The following VXN variants were observed in gnomAD, a reference collection of about 807,000 sequenced individuals.
VXN encodes vexin.
Under a neutral mutation model 23.1 loss-of-function variants are expected in VXN, and 7 were observed. The observed-to-expected ratio is 0.30, with a 90% confidence interval of 0.17 to 0.57. VXN has a LOEUF of 0.57. Among genes scored for constraint, VXN ranks in the 20% least tolerant of loss-of-function variants. VXN has a pLI of 0.91. For synonymous variants in VXN, 120 were observed against 105.8 expected (o/e 1.13, Z -0.83); for missense variants, 238 against 272.6 (o/e 0.87, Z 0.89).
intron 4 of VXN, 45 bp from the exon 5 acceptor site, chr8:66,513,495 G>A (rs999657404): frequency 2.6e-6 from 4 of 1,521,128 alleles, no homozygotes. Flanking sequence ...GCCAGAGTGG[G>A]AAGGCAGATG....
intron 3 of VXN, among the ~76,000 whole-genome samples, chr8:66,508,956 T>A (rs1262134234): frequency 6.6e-6 from 1 of 152,138 alleles, no homozygotes; most frequent in Non-Finnish European, 1.5e-5. Flanking sequence ...AGATTACGCA[T>A]GCCACTGCAC....
intron 3 of VXN, among the ~76,000 whole-genome samples, chr8:66,508,741 A>G (rs1807787691): frequency 6.6e-6 from 1 of 152,190 alleles, no homozygotes; most frequent in Non-Finnish European, 1.5e-5. Flanking sequence ...TGGCTTCATC[A>G]TAACTGTTAT....
chr8:66,507,628 A>T (rs544999786), intron 3 of VXN, among the ~76,000 whole-genome samples: 2 of 152,248 alleles, frequency 1.3e-5, no homozygotes, highest in African/African-American at 4.8e-5. Context: ...TCTGAAAGAC[A>T]AGAGCAATAA....
intron 4 of VXN, among the ~76,000 whole-genome samples, chr8:66,511,256 G>A (rs1477060691): frequency 1.8e-4 from 28 of 152,204 alleles, no homozygotes; most frequent in Admixed American, 1.8e-3. Flanking sequence ...GTGGCTGGAG[G>A]TGAGGTCAGC....
In VXN at chr8:66,516,047, G is replaced by A. The variant is rs1220782485; in HGVS notation, c.595G>A (p.Ala199Thr). 3 of 1,612,134 alleles carry A rather than the reference G, an allele frequency of 1.9e-6. No homozygotes were observed. Among genetic ancestry groups the A allele is most frequent in the Admixed American group, 3.3e-5 (2 of 59,940 alleles). ...CAAGAAGAAGTCTGAATATGTGGGA[G>A]CCACCAACAGCGCCTTTGAGGCCGA... ...RHKKKSEYVG[A>T]TNSAFEAD The change falls in exon 6 of 6, where the codon GCC becomes ACC. Residue 199 changes from alanine to threonine, a missense_variant. Ala to Thr is a moderately conservative substitution (Grantham distance 58, BLOSUM62 0). Coordinates refer to ENST00000305454, the MANE Select transcript of VXN (RefSeq NM_152765.4).
At position 66,517,456 on chromosome 8, in the gene VXN, G is replaced by C. The variant is rs577745245; in HGVS notation, c.*1380G>C. The C allele has an allele frequency of 6.6e-6, 1 of 152,300 alleles. No homozygotes were observed. The highest frequency in any genetic ancestry group is 2.1e-4 in the South Asian group (1 of 4,820). 9.4% of individuals were successfully genotyped at this position (152,300 alleles called of 1,614,324 possible). ...GTGTCAGGCTTCAATGCCTGTGTTAGAGCTACTCCTTCACACAAAATAGTT... is the reference window on the plus strand; with the variant it reads ...GTGTCAGGCTTCAATGCCTGTGTTACAGCTACTCCTTCACACAAAATAGTT... On this transcript the variant is annotated 3_prime_UTR_variant, in exon 6 of 6. Transcript: ENST00000305454.
chr8:66,495,707 C>T (rs1184035798), intron 1 of VXN, among the ~76,000 whole-genome samples: 1 of 152,184 alleles, frequency 6.6e-6, no homozygotes, highest in African/African-American at 2.4e-5. Context: ...AACCAAGTAA[C>T]ATGTTTAATG....
At chr8:66,493,986 T>C (rs1807596907) in intron 1 of VXN, among the ~76,000 whole-genome samples, 1 of 152,086 alleles carries the variant, frequency 6.6e-6, no homozygotes, top group Non-Finnish European at 1.5e-5. Flanking sequence ...AGTACACCAA[T>C]GGAAGTGACA....
At chr8:66,500,764 AAGTGAGGGCATGTAGTGTAT>A (rs1187286872) in intron 2 of VXN, among the ~76,000 whole-genome samples, 1 of 151,986 alleles carries the variant, frequency 6.6e-6, no homozygotes, top group Non-Finnish European at 1.5e-5. Flanking sequence ...TCCCACTTAT[AAGTGAGGGCATGTAGTGTAT>A]AGTTTTCAGT....
Position 66,505,372 on chromosome 8 carries a change from C to T in VXN, c.127-3C>T, listed in dbSNP as rs1807738895. 1 of 1,578,212 alleles carries T rather than the reference C, an allele frequency of 6.3e-7. No homozygotes were observed. The highest frequency in any genetic ancestry group is 2.3e-5 in the East Asian group (1 of 43,512). On this transcript the variant is annotated splice_region_variant and splice_polypyrimidine_tract_variant and intron_variant, in intron 2 of 5. Transcript: ENST00000305454. Reference sequence around the variant, plus strand: ...GGCTAACCGCGTTTCCCCCGCCCGGCAGGTGGTGATCGAGTCGGACCTGTA... The same window carrying T: ...GGCTAACCGCGTTTCCCCCGCCCGGTAGGTGGTGATCGAGTCGGACCTGTA...
rs1277961155 is a variant in VXN, at chr8:66,517,729, C to T, written c.*1653C>T. Reference sequence around the variant, plus strand: ...TTCAGAGGTTTAAATTAATCTAGCCCACTTAATAAAACCAGAGATCCTATG... The same window carrying T: ...TTCAGAGGTTTAAATTAATCTAGCCTACTTAATAAAACCAGAGATCCTATG... On this transcript the variant is annotated 3_prime_UTR_variant, in exon 6 of 6. Coordinates refer to ENST00000305454, the MANE Select transcript of VXN (RefSeq NM_152765.4). The T allele has an allele frequency of 6.6e-6, 1 of 152,234 alleles. No homozygotes were observed. The highest frequency in any genetic ancestry group is 1.5e-5 in the Non-Finnish European group (1 of 68,040). The allele number at this position is 152,234 out of a possible 1,614,324, so 9.4% of individuals were successfully genotyped here.
rs747247257 is a variant in VXN at position 66,513,634 on chromosome 8, G to T, written c.437G>T (p.Arg146Ile). ...ACAGAGAAGGGAGCTGTTCTGATGA[G>T]AGGGTAAGTGCTGCGTCTCTGGCCC... ...MGTEKGAVLM[R>I]GSRHLKKMTE... Residue 146 changes from arginine (R) to isoleucine (I), a missense_variant, in exon 5 of 6, where the codon AGA becomes ATA. Arg to Ile is a moderately conservative substitution (Grantham distance 97). Transcript: ENST00000305454. 6.2e-7 allele frequency: 1 copy of T among 1,613,768 alleles called. No individual in the cohort carries two copies. The highest frequency in any genetic ancestry group is 8.5e-7 in the Non-Finnish European group (1 of 1,179,706).
intron 3 of VXN, 43 bp downstream of exon 3, chr8:66,505,571 C>T: frequency 1.4e-6 from 2 of 1,442,266 alleles, no homozygotes; most frequent in Middle Eastern, 2.6e-4. Flanking sequence ...TCCCTGGGCG[C>T]AGAGACCCAC....
chr8:66,494,154 C>T (rs1488725153), intron 1 of VXN, among the ~76,000 whole-genome samples: 1 of 152,146 alleles, frequency 6.6e-6, no homozygotes. Flanking sequence ...GAAATACTCC[C>T]GGTGGCTGCT....
At chr8:66,498,594 C>T (rs913915453) in intron 2 of VXN, among the ~76,000 whole-genome samples, 5 of 152,094 alleles carry the variant, frequency 3.3e-5, no homozygotes, top group African/African-American at 7.2e-5. Flanking sequence ...TCACTATATC[C>T]TTTAAATCTT....
chr8:66,512,458 A>T (rs1425885962), intron 4 of VXN, among the ~76,000 whole-genome samples: 1 of 152,190 alleles, frequency 6.6e-6, no homozygotes, highest in Non-Finnish European at 1.5e-5. Flanking sequence ...AATTTTAGGA[A>T]TGTGGTGACT....
At chr8:66,505,671 A>G in intron 3 of VXN, 143 bp downstream of exon 3, 2 of 1,050,262 alleles carry the variant, frequency 1.9e-6, no homozygotes, top group Non-Finnish European at 2.6e-6. Flanking sequence ...TGCTTTCCCA[A>G]GTAAATGCTG....
Position 66,505,510 on chromosome 8 carries a change from A to C in VXN, c.262A>C (p.Lys88Gln), listed in dbSNP as rs1479134673. The change falls in exon 3 of 6, where the codon AAA becomes CAA. Residue 88 changes from lysine to glutamine, a missense_variant. Lys to Gln is a moderately conservative substitution (Grantham distance 53, BLOSUM62 1). Coordinates refer to ENST00000305454, the MANE Select transcript of VXN (RefSeq NM_152765.4). ...GCGGCCGCCCACAGCCCACCCGGCC[A>C]AAGCCTCTGCCAGACCCGGTACGTG... ...TARPPTAHPA[K>Q]ASARPVGISE... The C allele has an allele frequency of 6.5e-7, 1 of 1,539,126 alleles. No individual in the cohort carries two copies. The highest frequency in any genetic ancestry group is 8.7e-7 in the Non-Finnish European group (1 of 1,146,548).
intron 2 of VXN, among the ~76,000 whole-genome samples, chr8:66,499,294 G>A (rs1253910097): frequency 1.4e-5 from 2 of 144,608 alleles, no homozygotes; most frequent in Admixed American, 6.9e-5. Context: ...GTGCAGTGGC[G>A]TGGTCTCGGC....
Sources: gnomAD v4.1 joint callset for allele counts (sites outside exome capture counted in the v4.1 genomes callset) on GRCh38, gnomAD v4.1.1 for gene constraint, MANE v1.5 for transcripts, NCBI Gene and HGNC (gene_info 2026-07-23, HGNC 2026-07-21) for gene names.